Variants in FHIT observed in about 807,000 individuals in gnomAD.
FHIT encodes fragile histidine triad diadenosine triphosphatase, also known as bis(5'-adenosyl)-triphosphatase.
In FHIT, 19 loss-of-function variants were observed where a neutral mutation model predicts 17.9. The observed-to-expected ratio is 1.06, with a 90% CI of 0.74 to 1.56. The LOEUF (loss-of-function observed/expected upper bound fraction) is 1.56. FHIT is among the 40% of genes most tolerant of loss of function. FHIT has a pLI of 0.00. For synonymous variants in FHIT, 81 were observed against 69.7 expected (o/e 1.16, Z -0.81); for missense variants, 248 against 189.2 (o/e 1.31, Z -1.82).
intron 2 of FHIT, among the ~76,000 whole-genome samples, chr3:61,194,882 GTAT>G (rs2038812168): frequency 6.6e-6 from 1 of 151,892 alleles, no homozygotes; most frequent in African/African-American, 2.4e-5. Flanking sequence ...CAAATGCAAA[GTAT>G]TATTATTATA....
intron 7 of FHIT, among the ~76,000 whole-genome samples, chr3:60,007,259 A>C (rs182500865): frequency 1.3e-5 from 2 of 152,328 alleles, no homozygotes; most frequent in Non-Finnish European, 2.9e-5. Flanking sequence ...ATATTGCCTT[A>C]ATGGTTAGAT....
chr3:60,552,800 G>A (rs1266320976), intron 4 of FHIT, among the ~76,000 whole-genome samples: 1 of 152,198 alleles, frequency 6.6e-6, no homozygotes, highest in Non-Finnish European at 1.5e-5. Flanking sequence ...AGATAATTAA[G>A]GAAGATACAG....
intron 2 of FHIT, among the ~76,000 whole-genome samples, chr3:61,043,404 A>G (rs184633579): frequency 2.2e-3 from 342 of 152,292 alleles, no homozygotes; most frequent in African/African-American, 7.5e-3. Flanking sequence ...ATCGAACTGC[A>G]AAGCAGCAGT....
At chr3:59,942,723 T>C (rs1706587411) in intron 7 of FHIT, among the ~76,000 whole-genome samples, 1 of 152,190 alleles carries the variant, frequency 6.6e-6, no homozygotes, top group Non-Finnish European at 1.5e-5. Flanking sequence ...ATCATAGCTC[T>C]CTGCAGCCTC....
intron 4 of FHIT, among the ~76,000 whole-genome samples, chr3:60,791,124 A>T (rs1553728368): frequency 6.6e-6 from 1 of 152,172 alleles, no homozygotes; most frequent in African/African-American, 2.4e-5. Context: ...ATAGAGTAGG[A>T]GAGAAGAGGG....
At chr3:60,619,639 A>G in intron 4 of FHIT, among the ~76,000 whole-genome samples, 1 of 150,558 alleles carries the variant, frequency 6.6e-6, no homozygotes, top group Non-Finnish European at 1.5e-5. Flanking sequence ...AATCTAGACA[A>G]AGACCTCACA....
At chr3:61,149,422 T>C (rs916547089) in intron 2 of FHIT, among the ~76,000 whole-genome samples, 3 of 151,586 alleles carry the variant, frequency 2.0e-5, no homozygotes, top group African/African-American at 7.3e-5. Context: ...ATTAATAAGT[T>C]TAATAAATAA....
At chr3:60,787,316 A>T (rs1242879864) in intron 4 of FHIT, among the ~76,000 whole-genome samples, 1 of 152,214 alleles carries the variant, frequency 6.6e-6, no homozygotes, top group Admixed American at 6.5e-5. Context: ...TTTCCTGCAT[A>T]TTTATCCATC....
chr3:60,839,268 G>A (rs955667411), intron 3 of FHIT, among the ~76,000 whole-genome samples: 5 of 152,012 alleles, frequency 3.3e-5, no homozygotes, highest in East Asian at 1.9e-4. Context: ...AGTCTAATAC[G>A]TATCAAAATT....
At chr3:60,724,349 G>A (rs542805431) in intron 4 of FHIT, among the ~76,000 whole-genome samples, 1 of 152,036 alleles carries the variant, frequency 6.6e-6, no homozygotes, top group African/African-American at 2.4e-5. Context: ...TTCATTGCAT[G>A]GATATACCAC....
At chr3:60,317,265 C>T (rs1159844121) in intron 5 of FHIT, among the ~76,000 whole-genome samples, 3 of 151,874 alleles carry the variant, frequency 2.0e-5, no homozygotes, top group Non-Finnish European at 4.4e-5. Flanking sequence ...GAAAATCAAT[C>T]CCTATAACAA....
At chr3:60,549,715 G>A (rs2036483308) in intron 4 of FHIT, among the ~76,000 whole-genome samples, 1 of 152,134 alleles carries the variant, frequency 6.6e-6, no homozygotes, top group Non-Finnish European at 1.5e-5. Flanking sequence ...AAATGTCCTA[G>A]ATAAAACAAT....
intron 3 of FHIT, among the ~76,000 whole-genome samples, chr3:60,911,342 A>C (rs1408391439): frequency 6.7e-6 from 1 of 150,078 alleles, no homozygotes; most frequent in Non-Finnish European, 1.5e-5. Context: ...CTTATTCGCC[A>C]CTGAGAGTTC....
At chr3:60,471,403 T>C (rs2033083322) in intron 5 of FHIT, among the ~76,000 whole-genome samples, 1 of 152,210 alleles carries the variant, frequency 6.6e-6, no homozygotes, top group Non-Finnish European at 1.5e-5. Flanking sequence ...CATGGACAAT[T>C]TGCCTCTGGC....
intron 5 of FHIT, among the ~76,000 whole-genome samples, chr3:60,236,337 C>G (rs9311755): frequency 0.3 from 44,798 of 149,196 alleles, 7,700 homozygotes; most frequent in African/African-American, 0.48. Context: ...CCAGAGACTT[C>G]CTCCTCAGAA....
chr3:61,183,799 G>C (rs1353841620), intron 2 of FHIT, among the ~76,000 whole-genome samples: 2 of 151,490 alleles, frequency 1.3e-5, no homozygotes, highest in East Asian at 3.9e-4. Context: ...TGACTTCCCT[G>C]TTTGCCAGCA....
At chr3:60,523,197 T>G (rs1299218852) in intron 5 of FHIT, among the ~76,000 whole-genome samples, 2 of 152,164 alleles carry the variant, frequency 1.3e-5, no homozygotes, top group Admixed American at 1.3e-4. Flanking sequence ...GAGATTTGGG[T>G]GGGCACACAG....
chr3:61,210,353 G>A (rs1408982510), intron 1 of FHIT, among the ~76,000 whole-genome samples: 1 of 152,224 alleles, frequency 6.6e-6, no homozygotes, highest in African/African-American at 2.4e-5. Flanking sequence ...GGACATTTAA[G>A]TCTGCAGAGG....
intron 3 of FHIT, among the ~76,000 whole-genome samples, chr3:60,991,908 G>A (rs761357294): frequency 6.6e-6 from 1 of 152,152 alleles, no homozygotes; most frequent in Non-Finnish European, 1.5e-5. Context: ...ATGGGAGACA[G>A]GATGGAGGTT....
Sources: allele counts gnomAD v4.1 joint callset (sites outside exome capture counted in the v4.1 genomes callset), GRCh38; gene constraint gnomAD v4.1.1; transcripts MANE v1.5; gene names NCBI Gene and HGNC (gene_info 2026-07-23, HGNC 2026-07-21).